NELL1: variants seen among roughly 807,000 people sequenced by gnomAD.
NELL1 encodes protein kinase C-binding protein NELL1.
In NELL1, 76 loss-of-function variants were observed where a neutral mutation model predicts 107.4. The observed-to-expected ratio is 0.71, with a 90% confidence interval of 0.59 to 0.86. NELL1 has a LOEUF of 0.86. NELL1 is among the 40% of genes least tolerant of loss of function. NELL1 has a pLI of 0.00. For synonymous variants in NELL1, 353 were observed against 341.2 expected (o/e 1.03, Z -0.38); for missense variants, 1,024 against 1,005.5 (o/e 1.02, Z -0.25).
rs117721701 is a variant in NELL1 at position 21,425,375 on chromosome 11, A to T, written c.1645+54427A>T. Among the ~76,000 whole-genome samples the T allele has an allele frequency of 7.5e-3, 1,145 of 152,366 alleles. 3 individuals carry two copies. The highest frequency in any genetic ancestry group is 0.013 in the Non-Finnish European group (865 of 68,034). ...TAATGTTCTTCCCCAAATGTCCTCA[A>T]ACCTGTGACTATATTACCTTCCTTA... On this transcript the variant is annotated intron_variant, in intron 15 of 19. Coordinates refer to ENST00000357134, the MANE Select transcript of NELL1 (RefSeq NM_006157.5).
At chr11:20,782,723 G>C (rs1856875444) in intron 2 of NELL1, among the ~76,000 whole-genome samples, 2 of 152,220 alleles carry the variant, frequency 1.3e-5, no homozygotes, top group Admixed American at 1.3e-4. Flanking sequence ...CAGGATGTGA[G>C]AGGAGGTCAC....
At chr11:21,256,354 G>A (rs1350526545) in intron 14 of NELL1, among the ~76,000 whole-genome samples, 2 of 152,044 alleles carry the variant, frequency 1.3e-5, no homozygotes, top group Admixed American at 6.6e-5. Flanking sequence ...TCTGCACTGT[G>A]TAGTTAACAG....
chr11:20,928,443 G>A lies in NELL1; in HGVS notation c.961G>A (p.Val321Met). 1 of 1,613,886 alleles carries A rather than the reference G, an allele frequency of 6.2e-7. No homozygotes were observed. Among genetic ancestry groups the A allele is most frequent in the East Asian group, 2.2e-5 (1 of 44,862 alleles). ...PLNCSPDSLPVHIAGQCCKVC... is the reference protein window; with the variant it reads ...PLNCSPDSLPMHIAGQCCKVC... ...CAATTGCTCCCCAGACTCCCTCCCA[G>A]TGCACATTGCTGGCCAGTGCTGTAA... Residue 321 changes from valine (V) to methionine (M), a missense_variant, in exon 9 of 20, where the codon GTG (valine) becomes ATG (methionine). Transcript: ENST00000357134.
At chr11:21,044,588 T>C (rs1300457109) in intron 12 of NELL1, among the ~76,000 whole-genome samples, 1 of 152,092 alleles carries the variant, frequency 6.6e-6, no homozygotes, top group Non-Finnish European at 1.5e-5. Flanking sequence ...AAAGATCCAA[T>C]AGAGATGTTT....
At chr11:21,395,939 G>T (rs780063835) in intron 15 of NELL1, among the ~76,000 whole-genome samples, 6 of 151,446 alleles carry the variant, frequency 4.0e-5, no homozygotes, top group Non-Finnish European at 8.9e-5. Flanking sequence ...ACATTAGCTG[G>T]GATGACATGT....
intron 16 of NELL1, among the ~76,000 whole-genome samples, chr11:21,549,047 A>G (rs1856512640): frequency 6.6e-6 from 1 of 151,798 alleles, no homozygotes; most frequent in Non-Finnish European, 1.5e-5. Flanking sequence ...ATAGAAATAT[A>G]AAACTTCAAA....
chr11:21,490,536 C>G (rs924757216), intron 15 of NELL1, among the ~76,000 whole-genome samples: 13 of 148,466 alleles, frequency 8.8e-5, no homozygotes, highest in African/African-American at 3.2e-4. Context: ...ATCACACTAC[C>G]TAACTTCAAA....
At chr11:21,428,193 T>C (rs1479573701) in intron 15 of NELL1, among the ~76,000 whole-genome samples, 1 of 152,132 alleles carries the variant, frequency 6.6e-6, no homozygotes, top group Admixed American at 6.6e-5. Context: ...GGAGGGTTAA[T>C]AGAGAGCTAT....
chr11:21,252,009 G>C (rs1324114688), intron 14 of NELL1, among the ~76,000 whole-genome samples: 1 of 152,056 alleles, frequency 6.6e-6, no homozygotes, highest in Non-Finnish European at 1.5e-5. Flanking sequence ...AGAAATTAAT[G>C]GACACATATG....
At chr11:21,049,840 G>A (rs1008479435) in intron 12 of NELL1, among the ~76,000 whole-genome samples, 3 of 152,000 alleles carry the variant, frequency 2.0e-5, no homozygotes, top group Admixed American at 6.6e-5. Flanking sequence ...ACCACTCCTG[G>A]CTAATTTTTG....
chr11:20,975,922 CAT>C (rs1491543407), intron 12 of NELL1, among the ~76,000 whole-genome samples: 8 of 131,822 alleles, frequency 6.1e-5, no homozygotes, highest in Non-Finnish European at 9.2e-5. Flanking sequence ...TATAAACACA[CAT>C]ATATGTACAT....
At chr11:21,259,160 A>G (rs1054116717) in intron 14 of NELL1, among the ~76,000 whole-genome samples, 1 of 151,990 alleles carries the variant, frequency 6.6e-6, no homozygotes, top group African/African-American at 2.4e-5. Context: ...TTTATTGTAT[A>G]AGAAATACTG....
At chr11:20,949,967 G>A (rs1851038706) in intron 11 of NELL1, among the ~76,000 whole-genome samples, 3 of 152,202 alleles carry the variant, frequency 2.0e-5, no homozygotes, top group African/African-American at 7.2e-5. Context: ...GTGTGTGTGA[G>A]AAAGTTATTT....
chr11:21,232,688 C>G (rs1236226875), intron 14 of NELL1, among the ~76,000 whole-genome samples: 1 of 152,186 alleles, frequency 6.6e-6, no homozygotes. Context: ...GGGTCTTGCT[C>G]TGTCACCCAG....
chr11:21,029,822 A>G (rs1226321201), intron 12 of NELL1, among the ~76,000 whole-genome samples: 3 of 152,186 alleles, frequency 2.0e-5, no homozygotes, highest in Non-Finnish European at 2.9e-5. Context: ...ATCCTCTCCA[A>G]TCCTCTTTCA....
At chr11:20,849,730 G>C (rs1225470725) in intron 4 of NELL1, among the ~76,000 whole-genome samples, 2 of 152,088 alleles carry the variant, frequency 1.3e-5, no homozygotes, top group East Asian at 3.9e-4. Flanking sequence ...TTTTCAGGTA[G>C]GTCAGGAGAA....
chr11:20,834,993 A>G (rs901477613), intron 3 of NELL1, among the ~76,000 whole-genome samples: 6 of 152,158 alleles, frequency 3.9e-5, no homozygotes, highest in African/African-American at 1.4e-4. Context: ...CTGTTGCTTC[A>G]CAACTCCTCT....
chr11:20,729,936 G>GAAAGGC (rs1855593022), intron 2 of NELL1, among the ~76,000 whole-genome samples: 1 of 152,182 alleles, frequency 6.6e-6, no homozygotes, highest in African/African-American at 2.4e-5. Context: ...AAGGGAAAGG[G>GAAAGGC]AAAGCAGCTG....
rs150243117 is a variant in NELL1 at position 20,731,628 on chromosome 11, G to A, written c.185-52052G>A. On this transcript the variant is annotated intron_variant, in intron 2 of 19. Coordinates refer to ENST00000357134, the MANE Select transcript of NELL1 (RefSeq NM_006157.5). ...ATTATGTGTGCATAGTAATTAAGAC[G>A]TGGGTTTGAATTCCAGACTTACAAT... Among the ~76,000 whole-genome samples, 86 of 152,282 alleles carry A rather than the reference G, an allele frequency of 5.6e-4. 1 individual carries two copies. The highest frequency in any genetic ancestry group is 5.0e-3 in the South Asian group (24 of 4,820).
Sources: gnomAD v4.1 joint callset for allele counts (sites outside exome capture counted in the v4.1 genomes callset) on GRCh38, gnomAD v4.1.1 for gene constraint, MANE v1.5 for transcripts, NCBI Gene and HGNC (gene_info 2026-07-23, HGNC 2026-07-21) for gene names.